The following SEL1L2 variants were observed in gnomAD, a reference collection of about 807,000 sequenced individuals.
SEL1L2 encodes the protein protein sel-1 homolog 2.
In SEL1L2, 89 loss-of-function variants were observed where a neutral mutation model predicts 98.8. That is an observed-to-expected ratio of 0.90 (90% CI 0.76 to 1.07). The LOEUF (loss-of-function observed/expected upper bound fraction) is 1.07, where lower values mean the gene tolerates loss of function less well. Ranked by LOEUF, SEL1L2 falls within the 50% of genes least tolerant of loss-of-function variation. SEL1L2 has a pLI of 0.00. For missense variants in SEL1L2, 788 were observed against 812.0 expected, an observed-to-expected ratio of 0.97 and a Z score of 0.36; for synonymous variants, 262 against 278.5, an observed-to-expected ratio of 0.94 and a Z score of 0.59.
chr20:13,861,446 G>GAT (rs1303682250), intron 17 of SEL1L2, among the ~76,000 whole-genome samples: 12 of 150,970 alleles, frequency 7.9e-5, no homozygotes, highest in Admixed American at 2.0e-4. Context: ...CAGCCAGCAT[G>GAT]ATATATATAT....
chr20:13,901,570 T>C (rs994782845), intron 5 of SEL1L2, among the ~76,000 whole-genome samples: 2 of 152,196 alleles, frequency 1.3e-5, no homozygotes, highest in Non-Finnish European at 1.5e-5. Context: ...CATTATTTTG[T>C]AGTTTTATTG....
intron 1 of SEL1L2, among the ~76,000 whole-genome samples, chr20:13,966,604 G>A (rs1186408216): frequency 6.6e-6 from 1 of 152,120 alleles, no homozygotes; most frequent in African/African-American, 2.4e-5. Context: ...ACAGGTGTGA[G>A]CCACTGCGCC....
At chr20:13,925,620 T>G (rs1053014138) in intron 3 of SEL1L2, among the ~76,000 whole-genome samples, 2 of 152,218 alleles carry the variant, frequency 1.3e-5, no homozygotes, top group African/African-American at 4.8e-5. Context: ...CCTAATGTCT[T>G]TTTTCCTTCC....
intron 1 of SEL1L2, among the ~76,000 whole-genome samples, chr20:13,964,893 T>A (rs1443950159): frequency 1.3e-5 from 2 of 152,182 alleles, no homozygotes; most frequent in African/African-American, 4.8e-5. Context: ...AGCTTTACAG[T>A]CTTTCTTTTT....
chr20:13,940,530 T>C (rs2049715478), intron 2 of SEL1L2, among the ~76,000 whole-genome samples: 1 of 152,160 alleles, frequency 6.6e-6, no homozygotes, highest in Admixed American at 6.5e-5. Flanking sequence ...GGCATTTTAC[T>C]GAAGGACAAG....
At chr20:13,988,364 T>C (rs1339492818) in intron 1 of SEL1L2, among the ~76,000 whole-genome samples, 1 of 152,180 alleles carries the variant, frequency 6.6e-6, no homozygotes, top group Non-Finnish European at 1.5e-5. Context: ...TTTATTTTTT[T>C]CAAATTCATT....
intron 10 of SEL1L2, among the ~76,000 whole-genome samples, chr20:13,884,486 T>C (rs1415401863): frequency 6.6e-6 from 1 of 152,162 alleles, no homozygotes; most frequent in Non-Finnish European, 1.5e-5. Context: ...CACATTTGAA[T>C]GGTTAATTAA....
At chr20:13,954,260 T>TA (rs1230946835) in intron 2 of SEL1L2, among the ~76,000 whole-genome samples, 1 of 151,930 alleles carries the variant, frequency 6.6e-6, no homozygotes, top group Non-Finnish European at 1.5e-5. Flanking sequence ...ACATTGGGGG[T>TA]AGAGATGGAG....
In SEL1L2 at chr20:13,850,177, C is replaced by G. The variant is rs752836544; in HGVS notation, c.1947+14G>C. 6.2e-7 allele frequency: 1 copy of G among 1,613,360 alleles called. No homozygotes were observed. Among genetic ancestry groups the G allele is most frequent in the Admixed American group, 1.7e-5 (1 of 60,004 alleles). Reference sequence around the variant, plus strand: ...GACTTTCAGAGATTCAGGACCTGTTCAAGACAAACTTACATTAAAAAACAG... The same window carrying G: ...GACTTTCAGAGATTCAGGACCTGTTGAAGACAAACTTACATTAAAAAACAG... On this transcript the variant is annotated intron_variant, in intron 19 of 19. Coordinates refer to ENST00000284951, the MANE Select transcript of SEL1L2 (RefSeq NM_025229.2).
intron 5 of SEL1L2, among the ~76,000 whole-genome samples, chr20:13,899,607 T>C (rs570029402): frequency 6.6e-6 from 1 of 152,228 alleles, no homozygotes; most frequent in South Asian, 2.1e-4. Flanking sequence ...GCCCTTTTTT[T>C]TATAAGGGCA....
chr20:13,940,953 C>T (rs1263339192), intron 2 of SEL1L2, among the ~76,000 whole-genome samples: 1 of 152,144 alleles, frequency 6.6e-6, no homozygotes, highest in Non-Finnish European at 1.5e-5. Flanking sequence ...TTGCAGTCAA[C>T]TAGGCGAAGG....
rs1568857789 is a variant in SEL1L2 at position 13,870,152 on chromosome 20, C to G, written c.1156G>C (p.Gly386Arg). 6.2e-7 allele frequency: 1 copy of G among 1,607,596 alleles called. No individual in the cohort carries two copies. The highest frequency in any genetic ancestry group is 1.7e-5 in the Admixed American group (1 of 59,756). ...GLGLLYFHGK[G>R]VPLNYAEALK... ...ATAATTTAACTTACCAGGGGAACTC[C>G]TTTTCCATGAAAGTAAAGAAGACCA... Residue 386 changes from glycine (G) to arginine (R), a missense_variant, in exon 13 of 20, where the codon GGA (glycine) becomes CGA (arginine). Coordinates refer to ENST00000284951, the MANE Select transcript of SEL1L2 (RefSeq NM_025229.2).
At chr20:13,964,447 ATTT>A (rs369646828) in intron 1 of SEL1L2, among the ~76,000 whole-genome samples, 19 of 111,472 alleles carry the variant, frequency 1.7e-4, no homozygotes, top group South Asian at 1.1e-3. Context: ...CTATCTCTTC[ATTT>A]TTTTTTTTTT....
chr20:13,955,617 C>T lies in SEL1L2; in HGVS notation c.114+459G>A, dbSNP rs1460867621. ...GATGGAAATTCACTTCTTTACTTGA[C>T]ATATTTACAGGAGTAAATCATTGCT... On this transcript the variant is annotated intron_variant, in intron 2 of 19. Coordinates refer to ENST00000284951, the MANE Select transcript of SEL1L2 (RefSeq NM_025229.2). Among the ~76,000 whole-genome samples the T allele has an allele frequency of 2.0e-5, 3 of 152,148 alleles. No homozygotes were observed. In the East Asian group the frequency reaches 5.8e-4, roughly 29 times the overall value.
chr20:13,928,117 C>A (rs118144664), intron 3 of SEL1L2: 1 of 152,348 alleles, frequency 6.6e-6, no homozygotes, highest in Non-Finnish European at 1.5e-5. Context: ...AATCCCCCAA[C>A]TTTGAAGTTT....
chr20:13,963,422 C>T (rs1272376125), intron 1 of SEL1L2, among the ~76,000 whole-genome samples: 1 of 91,304 alleles, frequency 1.1e-5, no homozygotes, highest in Non-Finnish European at 2.1e-5. Flanking sequence ...AAAAAAAAAT[C>T]AGAGTAACAA....
chr20:13,940,955 A>C (rs1029178844), intron 2 of SEL1L2, among the ~76,000 whole-genome samples: 1 of 152,240 alleles, frequency 6.6e-6, no homozygotes, highest in Non-Finnish European at 1.5e-5. Flanking sequence ...GCAGTCAACT[A>C]GGCGAAGGAT....
chr20:13,975,269 C>T (rs1296874539), intron 1 of SEL1L2, among the ~76,000 whole-genome samples: 2 of 152,142 alleles, frequency 1.3e-5, no homozygotes, highest in African/African-American at 2.4e-5. Flanking sequence ...CTCAATCAAT[C>T]ACCTGGCTGT....
rs143005845 is a variant in SEL1L2 at position 13,926,618 on chromosome 20, C to A, written c.283+4985G>T. Among the ~76,000 whole-genome samples, 254 of 152,298 alleles carry A rather than the reference C, an allele frequency of 1.7e-3. 4 individuals carry two copies. Among genetic ancestry groups the A allele is most frequent in the Admixed American group, 0.015 (236 of 15,286 alleles). ...GCAGCACTCTGTAGCTGAAAACAGT[C>A]CCTTCAGAGACTGACTGCCAAAGGC... On this transcript the variant is annotated intron_variant, in intron 3 of 19. Coordinates refer to ENST00000284951, the MANE Select transcript of SEL1L2 (RefSeq NM_025229.2).
Sources: gnomAD v4.1 joint callset for allele counts (sites outside exome capture counted in the v4.1 genomes callset) on GRCh38, gnomAD v4.1.1 for gene constraint, MANE v1.5 for transcripts, NCBI Gene and HGNC (gene_info 2026-07-23, HGNC 2026-07-21) for gene names.